Variants in MRPL13 observed in about 807,000 individuals in gnomAD.
MRPL13 encodes the protein large ribosomal subunit protein uL13m.
MRPL13 carries 33 observed loss-of-function variants against 29.0 expected under a neutral mutation model. The ratio of observed to expected loss-of-function variants is 1.14; its 90% CI spans 0.86 to 1.52. The LOEUF is 1.52. Ranked by LOEUF, MRPL13 falls within the 40% of genes most tolerant of loss-of-function variation. The probability of loss-of-function intolerance (pLI) is 0.00; values close to 1 mark genes in which losing one functional copy is unlikely to be tolerated. For missense variants in MRPL13, 227 were observed against 216.7 expected (o/e 1.05, Z -0.30); for synonymous variants, 77 against 68.4 (o/e 1.13, Z -0.62).
chr8:120,396,666 C>T (rs1422577029), intron 6 of MRPL13, among the ~76,000 whole-genome samples: 1 of 152,104 alleles, frequency 6.6e-6, no homozygotes, highest in Non-Finnish European at 1.5e-5. Flanking sequence ...ATAAGATTAA[C>T]CACACCTGAG....
chr8:120,416,967 A>G (rs1475918019), intron 5 of MRPL13, among the ~76,000 whole-genome samples: 3 of 152,324 alleles, frequency 2.0e-5, no homozygotes, highest in Admixed American at 2.0e-4. Context: ...ATTCAGGATC[A>G]GGTCAAGAAT....
intron 6 of MRPL13, among the ~76,000 whole-genome samples, chr8:120,398,973 C>A (rs1048528560): frequency 2.6e-5 from 4 of 151,462 alleles, no homozygotes; most frequent in Non-Finnish European, 5.9e-5. Flanking sequence ...AAGGAATGAA[C>A]AAAACCTCCA....
rs1470862097 is a variant in MRPL13 at position 120,414,089 on chromosome 8, C to G, written c.417G>C (p.Lys139Asn). 4.4e-6 allele frequency: 7 copies of G among 1,587,028 alleles called. No individual in the cohort carries two copies. The highest frequency in any genetic ancestry group is 6.0e-6 in the Non-Finnish European group (7 of 1,170,134). ...GTTGAGGAAGCTCCTCTACTAAATT[C>G]TTAAGAATATCTTCTGGAATATACT... is the stretch of plus-strand genomic sequence containing the variant. ...PDEYIPEDIL[K>N]NLVEELPQPR... is the part of the protein sequence containing the mutation. Residue 139 changes from lysine (K) to asparagine (N), a missense_variant, in exon 6 of 7, where the codon AAG becomes AAC. Coordinates refer to ENST00000306185, the MANE Select transcript of MRPL13 (RefSeq NM_014078.6).
intron 6 of MRPL13, among the ~76,000 whole-genome samples, chr8:120,412,385 C>A (rs1330315918): frequency 6.6e-6 from 1 of 152,160 alleles, no homozygotes; most frequent in African/African-American, 2.4e-5. Context: ...CAAAAAAATT[C>A]TCCTATTAAA....
At position 120,414,072 on chromosome 8, in the gene MRPL13, A is replaced by C; in HGVS notation, c.434T>G (p.Leu145Arg). 6.3e-7 allele frequency: 1 copy of C among 1,599,700 alleles called. No homozygotes were observed. The highest frequency in any genetic ancestry group is 1.1e-5 in the South Asian group (1 of 86,966). Residue 145 changes from leucine to arginine, a missense_variant, in exon 6 of 7, where the codon CTT becomes CGT. Coordinates refer to ENST00000306185, the MANE Select transcript of MRPL13 (RefSeq NM_014078.6). Reference sequence around the variant, plus strand: ...TTTAGGTATTTTTCGTGGTTGAGGAAGCTCCTCTACTAAATTCTTAAGAAT... The same window carrying C: ...TTTAGGTATTTTTCGTGGTTGAGGACGCTCCTCTACTAAATTCTTAAGAAT... ...EDILKNLVEE[L>R]PQPRKIPKRL... is the part of the protein sequence containing the mutation.
intron 5 of MRPL13, among the ~76,000 whole-genome samples, chr8:120,418,618 C>A (rs7826746): frequency 1.3e-5 from 2 of 151,670 alleles, no homozygotes; most frequent in African/African-American, 4.8e-5. Flanking sequence ...TCCTATTTAA[C>A]GGAACTATCG....
At chr8:120,410,560 T>C (rs1812728060) in intron 6 of MRPL13, among the ~76,000 whole-genome samples, 1 of 152,202 alleles carries the variant, frequency 6.6e-6, no homozygotes, top group Non-Finnish European at 1.5e-5. Context: ...TAAAATAGCA[T>C]AGTCCAATAA....
intron 2 of MRPL13, among the ~76,000 whole-genome samples, chr8:120,434,033 C>T (rs1198743609): frequency 1.3e-5 from 2 of 152,040 alleles, no homozygotes; most frequent in Non-Finnish European, 2.9e-5. Context: ...CCTTAAACTT[C>T]TAACTTTATC....
intron 4 of MRPL13, among the ~76,000 whole-genome samples, chr8:120,422,761 T>C (rs912535570): frequency 6.6e-6 from 1 of 151,736 alleles, no homozygotes; most frequent in Non-Finnish European, 1.5e-5. Context: ...TTCATCCTTC[T>C]TGTGGGGATC....
intron 6 of MRPL13, among the ~76,000 whole-genome samples, chr8:120,399,901 T>A (rs1812570583): frequency 6.6e-6 from 1 of 152,148 alleles, no homozygotes; most frequent in African/African-American, 2.4e-5. Flanking sequence ...AGAAGGGCAT[T>A]GCATAATGGT....
intron 5 of MRPL13, 81 bp from the exon 6 acceptor site, chr8:120,414,193 A>G: frequency 3.9e-6 from 4 of 1,021,664 alleles, no homozygotes; most frequent in Non-Finnish European, 5.1e-6. Flanking sequence ...ATAAGTGTTA[A>G]AAAAATAAGC....
intron 6 of MRPL13, among the ~76,000 whole-genome samples, chr8:120,411,998 T>G (rs1242923313): frequency 1.3e-5 from 2 of 152,222 alleles, no homozygotes; most frequent in African/African-American, 4.8e-5. Flanking sequence ...ATTATTATAT[T>G]AGTGTGGTGC....
chr8:120,404,186 T>C (rs1812638506), intron 6 of MRPL13, among the ~76,000 whole-genome samples: 1 of 152,198 alleles, frequency 6.6e-6, no homozygotes, highest in African/African-American at 2.4e-5. Context: ...CTGGTTCATA[T>C]AATTACAAAA....
chr8:120,406,841 C>G (rs529733335), intron 6 of MRPL13, among the ~76,000 whole-genome samples: 1 of 152,272 alleles, frequency 6.6e-6, no homozygotes, highest in African/African-American at 2.4e-5. Flanking sequence ...ATCAAATGTT[C>G]TGTAACAACT....
At chr8:120,405,491 T>C (rs932871987) in intron 6 of MRPL13, among the ~76,000 whole-genome samples, 3 of 152,188 alleles carry the variant, frequency 2.0e-5, no homozygotes, top group Admixed American at 1.3e-4. Flanking sequence ...ACTTGATGCA[T>C]TGCTGGTTTA....
intron 6 of MRPL13, among the ~76,000 whole-genome samples, chr8:120,405,843 TTAAA>T (rs776151070): frequency 2.6e-4 from 40 of 152,182 alleles, no homozygotes; most frequent in Non-Finnish European, 4.7e-4. Flanking sequence ...CTTCACTAGA[TTAAA>T]TAGTTTTTAA....
intron 2 of MRPL13, among the ~76,000 whole-genome samples, chr8:120,433,508 C>G (rs1813019705): frequency 1.3e-5 from 2 of 152,048 alleles, no homozygotes; most frequent in African/African-American, 4.8e-5. Flanking sequence ...ATAGGTAAAG[C>G]ATCTCGAGCC....
At chr8:120,401,630 A>C (rs1314452443) in intron 6 of MRPL13, among the ~76,000 whole-genome samples, 1 of 152,166 alleles carries the variant, frequency 6.6e-6, no homozygotes, top group Non-Finnish European at 1.5e-5. Context: ...CCTGTTCAAC[A>C]CAGTACTGGA....
chr8:120,419,974 TGACTTGC>T, intron 4 of MRPL13, 36 bp from the exon 5 acceptor site: 3 of 1,376,528 alleles, frequency 2.2e-6, no homozygotes, highest in Non-Finnish European at 3.0e-6. Flanking sequence ...AAGAAAATTG[TGACTTGC>T]GATAGTAAGA....
Sources: gnomAD v4.1 joint callset for allele counts (sites outside exome capture counted in the v4.1 genomes callset) on GRCh38, gnomAD v4.1.1 for gene constraint, MANE v1.5 for transcripts, NCBI Gene and HGNC (gene_info 2026-07-23, HGNC 2026-07-21) for gene names.